Variants in KSR2 observed in about 807,000 individuals in gnomAD.
KSR2 encodes kinase suppressor of ras 2.
In KSR2, 25 loss-of-function variants were observed where a neutral mutation model predicts 107.8. The ratio of observed to expected loss-of-function variants is 0.23; its 90% CI spans 0.17 to 0.32. KSR2 has a LOEUF of 0.32. Among genes scored for constraint, KSR2 ranks in the 10% least tolerant of loss-of-function variants. KSR2 has a pLI of 1.00. For missense variants in KSR2, 887 were observed against 1,268.9 expected (o/e 0.70, Z 4.57); for synonymous variants, 480 against 507.0 (o/e 0.95, Z 0.71).
intron 10 of KSR2, among the ~76,000 whole-genome samples, chr12:117,532,516 G>A (rs1196634656): frequency 6.6e-6 from 1 of 152,262 alleles, no homozygotes; most frequent in East Asian, 1.9e-4. Flanking sequence ...AGTTCCTACT[G>A]TCCTGTAAAG....
chr12:117,589,837 T>C (rs1880216697), intron 5 of KSR2, among the ~76,000 whole-genome samples: 1 of 152,232 alleles, frequency 6.6e-6, no homozygotes, highest in African/African-American at 2.4e-5. Flanking sequence ...TGCTTCTTCA[T>C]GGAGTTGGAC....
chr12:117,770,624 C>T (rs1354501647), intron 3 of KSR2, among the ~76,000 whole-genome samples: 1 of 151,944 alleles, frequency 6.6e-6, no homozygotes, highest in Non-Finnish European at 1.5e-5. Context: ...CCACCAGATT[C>T]TGTGTTAGGA....
intron 4 of KSR2, among the ~76,000 whole-genome samples, chr12:117,697,108 G>C (rs1372304254): frequency 1.3e-5 from 2 of 152,166 alleles, no homozygotes; most frequent in Admixed American, 1.3e-4. Flanking sequence ...CCAGCACAGA[G>C]AACAAACGAA....
chr12:117,690,327 G>A (rs1205405356), intron 4 of KSR2, among the ~76,000 whole-genome samples: 1 of 152,202 alleles, frequency 6.6e-6, no homozygotes, highest in Non-Finnish European at 1.5e-5. Flanking sequence ...ACTTTGGGAG[G>A]CTGAGATGGG....
intron 3 of KSR2, among the ~76,000 whole-genome samples, chr12:117,772,231 C>CAG (rs1889500363): frequency 1.7e-5 from 2 of 120,908 alleles, no homozygotes; most frequent in South Asian, 3.0e-4. Context: ...ACCATTCCCC[C>CAG]AGACGCACAA....
rs1357574547 is a variant in KSR2, at chr12:117,842,491, T to A, written c.472+12937A>T. On this transcript the variant is annotated intron_variant, in intron 3 of 19. Coordinates refer to ENST00000339824, the MANE Select transcript of KSR2 (RefSeq NM_173598.6). The surrounding 1 kb of genome is among the most constrained non-coding windows in gnomAD (Gnocchi z 4.2). ...GGGAGCCCAGGGACAGGACTGGGGGTCTCATTCTAAGATGTAATAGTCTGT... is the reference window on the plus strand; with the variant it reads ...GGGAGCCCAGGGACAGGACTGGGGGACTCATTCTAAGATGTAATAGTCTGT... 6.6e-6 allele frequency among the ~76,000 whole-genome samples: 1 copy of A among 151,578 alleles called. No individual in the cohort carries two copies. The highest frequency in any genetic ancestry group is 1.5e-5 in the Non-Finnish European group (1 of 67,918).
chr12:117,498,174 T>C (rs977941375), intron 14 of KSR2, among the ~76,000 whole-genome samples: 1 of 152,126 alleles, frequency 6.6e-6, no homozygotes, highest in Non-Finnish European at 1.5e-5. Flanking sequence ...CAGGATTTCA[T>C]AAGCTCGCCA....
At chr12:117,719,106 T>C (rs1332426136) in intron 4 of KSR2, among the ~76,000 whole-genome samples, 1 of 152,228 alleles carries the variant, frequency 6.6e-6, no homozygotes, top group Non-Finnish European at 1.5e-5. Context: ...ATTTGGCTCA[T>C]ACAAACCTTA....
intron 5 of KSR2, among the ~76,000 whole-genome samples, chr12:117,589,201 T>C (rs923762056): frequency 1.3e-5 from 2 of 152,144 alleles, no homozygotes; most frequent in Non-Finnish European, 2.9e-5. Context: ...CCACAAGAAA[T>C]AGTTTATTGC....
At chr12:117,512,919 G>C (rs552138180) in intron 14 of KSR2, among the ~76,000 whole-genome samples, 1 of 152,210 alleles carries the variant, frequency 6.6e-6, no homozygotes, top group East Asian at 1.9e-4. Context: ...GGGATTTCTG[G>C]GCACTGGACA....
rs372991209 is a variant in KSR2, at chr12:117,530,763, G to A, written c.1802+178C>T. Among the ~76,000 whole-genome samples, 1 of 152,092 alleles carries A rather than the reference G, an allele frequency of 6.6e-6. No homozygotes were observed. The highest frequency in any genetic ancestry group is 1.5e-5 in the Non-Finnish European group (1 of 68,022). ...TCCATCTCTCTGTCTGAGCTGTCACGCCCTTTCTCTTTGCCTAAGTTATTC... is the reference window on the plus strand; with the variant it reads ...TCCATCTCTCTGTCTGAGCTGTCACACCCTTTCTCTTTGCCTAAGTTATTC... On this transcript the variant is annotated intron_variant, in intron 12 of 19. Transcript: ENST00000339824.
intron 5 of KSR2, among the ~76,000 whole-genome samples, chr12:117,629,196 C>A (rs1213753055): frequency 6.6e-6 from 1 of 152,218 alleles, no homozygotes. Flanking sequence ...GCTCACCCTC[C>A]ATGGGCTGTG....
chr12:117,558,528 A>G lies in KSR2; in HGVS notation c.1371T>C (p.His457=). The change falls in exon 8 of 20, where the codon CAT becomes CAC. Residue 457 remains histidine, a synonymous_variant. Coordinates refer to ENST00000339824, the MANE Select transcript of KSR2 (RefSeq NM_173598.6). ...NKCTKEAPPC[H]LLIIHRGDPA... is the part of the protein sequence containing the mutation. ...TACCTCCTCGGTGGATGATCAGAAG[A>G]TGACAGGGTGGGGCTTCTTTGGTGC... 6.2e-7 allele frequency: 1 copy of G among 1,613,928 alleles called. No homozygotes were observed. The highest frequency in any genetic ancestry group is 8.5e-7 in the Non-Finnish European group (1 of 1,179,866).
rs182512459 is a variant in KSR2, at chr12:117,517,075, G to A, written c.2219+7777C>T. 4.0e-3 allele frequency among the ~76,000 whole-genome samples: 612 copies of A among 152,268 alleles called. 3 individuals are homozygous for A. Among genetic ancestry groups the A allele is most frequent in the Non-Finnish European group, 7.0e-3 (478 of 68,026 alleles). On this transcript the variant is annotated intron_variant, in intron 14 of 19. Transcript: ENST00000339824. ...TCCTTTTTCCTCAGCTAGAGGCAGA[G>A]GACTGTGCAGCTTAGAAGAAGGCAA... is the stretch of plus-strand genomic sequence containing the variant.
chr12:117,709,908 T>C (rs1217386097), intron 4 of KSR2, among the ~76,000 whole-genome samples: 1 of 152,096 alleles, frequency 6.6e-6, no homozygotes. Flanking sequence ...ATCACCAAGA[T>C]TGAGAACCAC....
intron 4 of KSR2, among the ~76,000 whole-genome samples, chr12:117,681,278 A>T (rs758719761): frequency 1.3e-5 from 2 of 152,220 alleles, no homozygotes; most frequent in Non-Finnish European, 2.9e-5. Context: ...TCAAAAATAA[A>T]TACATAAATA....
intron 3 of KSR2, among the ~76,000 whole-genome samples, chr12:117,793,322 CCAA>C (rs1051019823): frequency 2.9e-5 from 4 of 138,782 alleles, no homozygotes; most frequent in African/African-American, 5.5e-5. Context: ...CACCCTCACA[CCAA>C]CATGCACACA....
rs748546577 is a variant in KSR2 at position 117,484,432 on chromosome 12, C to A, written c.2434G>T (p.Val812Leu). The A allele has an allele frequency of 6.2e-7, 1 of 1,613,946 alleles. No homozygotes were observed. The highest frequency in any genetic ancestry group is 1.1e-5 in the South Asian group (1 of 91,040). ...GCCTCTCACCTGCCAGCCTGCAGCA[C>A]CCCAGAAATGCTGAAGAGTCCAAAG... is the stretch of plus-strand genomic sequence containing the variant. Reference protein sequence around the residue: ...TDFGLFSISGVLQAGRREDKL... With the variant: ...TDFGLFSISGLLQAGRREDKL... Residue 812 changes from valine (V) to leucine (L), a missense_variant, in exon 16 of 20, where the codon GTG becomes TTG. By Grantham distance (32) the Val-to-Leu change is conservative (BLOSUM62 1). Coordinates refer to ENST00000339824, the MANE Select transcript of KSR2 (RefSeq NM_173598.6).
intron 3 of KSR2, among the ~76,000 whole-genome samples, chr12:117,832,454 T>C (rs1329286948): frequency 2.0e-5 from 3 of 152,198 alleles, no homozygotes; most frequent in East Asian, 1.9e-4. Flanking sequence ...AAAGTAGCAA[T>C]TGACATTTGT....
Sources: gnomAD v4.1 joint callset for allele counts (sites outside exome capture counted in the v4.1 genomes callset) on GRCh38, gnomAD v4.1.1 for gene constraint, Gnocchi (gnomAD v3.1) non-coding constraint, MANE v1.5 for transcripts, NCBI Gene and HGNC (gene_info 2026-07-23, HGNC 2026-07-21) for gene names.